GRIN1: variants seen among roughly 807,000 people sequenced by gnomAD.
The protein encoded by GRIN1 is glutamate ionotropic receptor NMDA type subunit 1, also known as glutamate receptor ionotropic, NMDA 1.
GRIN1 carries 38 observed loss-of-function variants against 103.0 expected under a neutral mutation model. That is an observed-to-expected ratio of 0.37 (90% confidence interval 0.28 to 0.48). The LOEUF (loss-of-function observed/expected upper bound fraction) is 0.48, where lower values mean the gene tolerates loss of function less well. Ranked by LOEUF, GRIN1 falls within the 20% of genes least tolerant of loss-of-function variation. The pLI is 0.98. For missense variants in GRIN1, 577 were observed against 1,288.9 expected, an observed-to-expected ratio of 0.45 and a Z score of 8.46; for synonymous variants, 544 against 532.7, an observed-to-expected ratio of 1.02 and a Z score of -0.29.
chr9:137,151,368 C>G (rs1450902661), intron 4 of GRIN1, among the ~76,000 whole-genome samples: 2 of 147,064 alleles, frequency 1.4e-5, no homozygotes, highest in Non-Finnish European at 1.5e-5. Context: ...AGAAAAAAAG[C>G]CCCACCCAGG....
At chr9:137,147,316 G>A (rs1446093568) in intron 3 of GRIN1, among the ~76,000 whole-genome samples, 1 of 151,844 alleles carries the variant, frequency 6.6e-6, no homozygotes, top group Non-Finnish European at 1.5e-5. Flanking sequence ...GCACAGGTGC[G>A]CTCCTCACAC....
intron 19 of GRIN1, among the ~76,000 whole-genome samples, chr9:137,166,924 G>A (rs1052930726): frequency 6.6e-6 from 1 of 152,236 alleles, no homozygotes; most frequent in Non-Finnish European, 1.5e-5. Context: ...CGGGGGGCAA[G>A]CACAAATGTC....
At chr9:137,160,948 C>G in intron 8 of GRIN1, 108 bp from the exon 9 acceptor site, 1 of 1,376,448 alleles carries the variant, frequency 7.3e-7, no homozygotes, top group South Asian at 1.2e-5. Flanking sequence ...GTGAGGGGTG[C>G]GTCGGGGATT....
intron 3 of GRIN1, among the ~76,000 whole-genome samples, chr9:137,147,248 G>A (rs1004656683): frequency 2.0e-5 from 3 of 151,902 alleles, no homozygotes; most frequent in African/African-American, 4.8e-5. Flanking sequence ...CAGCTCCAGC[G>A]CCACACACAC....
In GRIN1 at chr9:137,161,422, C is replaced by A. The variant is rs773240709; in HGVS notation, c.1467+6C>A. ...AGTTCGGCACACAGGAGCGGGTAGG[C>A]TGGACGGCGGGGGTGGGGACCAGCG... is the stretch of plus-strand genomic sequence containing the variant. On this transcript the variant is annotated splice_donor_region_variant and intron_variant, in intron 10 of 19. Coordinates refer to ENST00000371561, the MANE Select transcript of GRIN1 (RefSeq NM_007327.4). 6.2e-7 allele frequency: 1 copy of A among 1,608,982 alleles called. No homozygotes were observed. The highest frequency in any genetic ancestry group is 1.7e-5 in the Admixed American group (1 of 59,642).
intron 4 of GRIN1, among the ~76,000 whole-genome samples, chr9:137,155,014 C>T (rs1833138225): frequency 1.3e-5 from 2 of 152,202 alleles, no homozygotes. Flanking sequence ...AGAGACATGA[C>T]GCCAATCTTA....
intron 17 of GRIN1, 30 bp downstream of exon 17, chr9:137,163,698 G>A (rs200915396): frequency 4.7e-5 from 76 of 1,613,068 alleles, no homozygotes; most frequent in Non-Finnish European, 6.3e-5. Flanking sequence ...TTCTCGGGTG[G>A]GTTCTCCGTG....
rs1833804103 is a variant in GRIN1, at chr9:137,165,265, G to A, written c.2669G>A (p.Ser890Asn). The A allele has an allele frequency of 6.2e-7, 1 of 1,611,704 alleles. No individual in the cohort carries two copies. Among genetic ancestry groups the A allele is most frequent in the Non-Finnish European group, 8.5e-7 (1 of 1,178,966 alleles). Residue 890 changes from serine (S) to asparagine (N), a missense_variant, in exon 19 of 20, where the codon AGC (serine) becomes AAC (asparagine). Coordinates refer to ENST00000371561, the MANE Select transcript of GRIN1 (RefSeq NM_007327.4). ...FRAITSTLAS[S>N]FKRRRSSKDT... ...GCTATCACCTCCACCCTGGCTTCCA[G>A]CTTCAAGAGGCGTAGGTCCTCCAAA...
At position 137,167,874 on chromosome 9, in the gene GRIN1, C is replaced by A; in HGVS notation, c.*347C>A. 1.9e-6 allele frequency: 3 copies of A among 1,595,434 alleles called. No homozygotes were observed. Among genetic ancestry groups the A allele is most frequent in the Non-Finnish European group, 2.6e-6 (3 of 1,165,838 alleles). ...CGGAGGCGCCCACCTGCCCAGTTAG[C>A]CCGGCCAAGGACACTGATGGGTCCT... On this transcript the variant is annotated 3_prime_UTR_variant, in exon 20 of 20. Coordinates refer to ENST00000371561, the MANE Select transcript of GRIN1 (RefSeq NM_007327.4).
intron 3 of GRIN1, among the ~76,000 whole-genome samples, chr9:137,148,731 G>T (rs990856137): frequency 1.3e-5 from 2 of 152,250 alleles, no homozygotes; most frequent in African/African-American, 4.8e-5. Flanking sequence ...CAAAGATGAG[G>T]ACAGGAGTGA....
intron 4 of GRIN1, among the ~76,000 whole-genome samples, chr9:137,154,131 T>TTG: frequency 6.8e-6 from 1 of 146,702 alleles, no homozygotes; most frequent in South Asian, 2.2e-4. Context: ...TCTTTTTTTT[T>TTG]TGTGTGTGTG....
Position 137,158,543 on chromosome 9 carries a change from G to A in GRIN1, c.1113+20G>A, listed in dbSNP as rs2131280168. ...ACCCACGTAGGTGGGGGTCATGAGG[G>A]GGTGGGGGCTGGGGCCTTAGGGTCC... is the stretch of plus-strand genomic sequence containing the variant. On this transcript the variant is annotated intron_variant, in intron 7 of 19. Transcript: ENST00000371561. The A allele has an allele frequency of 6.2e-7, 1 of 1,611,286 alleles. No individual in the cohort carries two copies. Among genetic ancestry groups the A allele is most frequent in the Non-Finnish European group, 8.5e-7 (1 of 1,178,630 alleles).
At chr9:137,154,432 CTTTTTTTTTTTTT>C (rs543160973) in intron 4 of GRIN1, among the ~76,000 whole-genome samples, 8,737 of 42,602 alleles carry the variant, frequency 0.21, 1,163 homozygotes, top group Non-Finnish European at 0.3. Context: ...GCTCCAACAA[CTTTTTTTTTTTTT>C]TTTTTTTTTT....
chr9:137,146,599 G>A lies in GRIN1; in HGVS notation c.570+697G>A, dbSNP rs907822418. On this transcript the variant is annotated intron_variant, in intron 3 of 19. Coordinates refer to ENST00000371561, the MANE Select transcript of GRIN1 (RefSeq NM_007327.4). This position sits in a 1 kb window ranked among gnomAD's most constrained non-coding sequence, Gnocchi z 6.7. ...GGGGCTGCAGAGAGATCAGAGCTGG[G>A]ATTTGGGGGGGTCCGAGCGACCCCT... 1.3e-5 allele frequency among the ~76,000 whole-genome samples: 2 copies of A among 152,146 alleles called. No homozygotes were observed. The highest frequency in any genetic ancestry group is 4.8e-5 in the African/African-American group (2 of 41,428).
intron 6 of GRIN1, 115 bp downstream of exon 6, chr9:137,157,152 T>A: frequency 1.2e-6 from 1 of 820,270 alleles, no homozygotes; most frequent in East Asian, 5.8e-5. Context: ...TCTCCAGAGC[T>A]GGGCGGAGCA....
Position 137,162,270 on chromosome 9 carries a change from G to C in GRIN1, c.1731G>C (p.Leu577=). The C allele has an allele frequency of 6.5e-7, 1 of 1,547,252 alleles. No homozygotes were observed. The highest frequency in any genetic ancestry group is 8.7e-7 in the Non-Finnish European group (1 of 1,151,240). Residue 577 remains leucine, a synonymous_variant, in exon 12 of 20, where the codon CTG becomes CTC. Coordinates refer to ENST00000371561, the MANE Select transcript of GRIN1 (RefSeq NM_007327.4). ...CGGTGCACGTGGTGGCCGTGATGCT[G>C]TACCTGCTGGACCGCTTCAGGTGAG... ...GLSVHVVAVM[L]YLLDRFSPFG...
At chr9:137,156,831 C>T (rs994623309) in intron 5 of GRIN1, 32 bp from the exon 6 acceptor site, 3 of 1,606,502 alleles carry the variant, frequency 1.9e-6, no homozygotes, top group African/African-American at 2.7e-5. Context: ...ACGGGGAGGA[C>T]CCCACGGGCT....
intron 4 of GRIN1, 46 bp downstream of exon 4, chr9:137,149,155 GA>G: frequency 2.4e-6 from 3 of 1,275,996 alleles, no homozygotes; most frequent in Non-Finnish European, 3.4e-6. Flanking sequence ...GATGGTACCT[GA>G]GCCAAGTACC....
Position 137,144,725 on chromosome 9 carries a change from C to CAG in GRIN1, c.394-1000_394-999dup, listed in dbSNP as rs200218536. Among the ~76,000 whole-genome samples the CAG allele has an allele frequency of 2.4e-3, 302 of 126,464 alleles. 8 individuals are homozygous for CAG. Among genetic ancestry groups the CAG allele is most frequent in the East Asian group, 0.013 (51 of 3,964 alleles). The allele number at this position is 126,464 out of a possible 152,430, so 83.0% of individuals were successfully genotyped here. A position where few individuals can be genotyped will look rare whatever the true frequency, so the allele number is the denominator to read the frequency against. ...GGTCCCAGGGTCTAGAAAGTGTCCC[C>CAG]AGGGGTGTGGGGACAGGAGTGAGAG... On this transcript the variant is annotated intron_variant, in intron 2 of 19. Transcript: ENST00000371561.
Sources: allele counts gnomAD v4.1 joint callset (sites outside exome capture counted in the v4.1 genomes callset), GRCh38; gene constraint gnomAD v4.1.1; non-coding constraint Gnocchi (gnomAD v3.1); transcripts MANE v1.5; gene names NCBI Gene and HGNC (gene_info 2026-07-23, HGNC 2026-07-21).